Variants in NLRP1 observed in about 807,000 individuals in gnomAD.
NLRP1 encodes the protein NLR family pyrin domain containing 1.
NLRP1 carries 94 observed loss-of-function variants against 136.7 expected under a neutral mutation model. That is an observed-to-expected ratio of 0.69 (90% confidence interval 0.58 to 0.82). The LOEUF is 0.82. Among genes scored for constraint, NLRP1 ranks in the 40% least tolerant of loss-of-function variants. The probability of loss-of-function intolerance (pLI) is 0.00; values close to 1 mark genes in which losing one functional copy is unlikely to be tolerated. For missense variants in NLRP1, 1,575 were observed against 1,802.7 expected (o/e 0.87, Z 2.29); for synonymous variants, 690 against 725.1 (o/e 0.95, Z 0.78).
At chr17:5,550,987 C>G (rs1223483797) in intron 5 of NLRP1, among the ~76,000 whole-genome samples, 1 of 152,116 alleles carries the variant, frequency 6.6e-6, no homozygotes, top group Non-Finnish European at 1.5e-5. Flanking sequence ...CATGCTGTAC[C>G]ACACTAGTAT....
intron 3 of NLRP1, among the ~76,000 whole-genome samples, chr17:5,573,051 G>A (rs1803953645): frequency 6.6e-6 from 1 of 152,166 alleles, no homozygotes; most frequent in South Asian, 2.1e-4. Context: ...AAGGGGTCAG[G>A]GAATTCCCTT....
chr17:5,521,492 C>A (rs757282476), intron 13 of NLRP1, 32 bp downstream of exon 13: 1 of 1,601,210 alleles, frequency 6.2e-7, no homozygotes, highest in South Asian at 1.1e-5. Context: ...GTCAACCCAC[C>A]GTGGCCCAGC....
In NLRP1 at chr17:5,514,954, G is replaced by A. The variant is rs1907889273; in HGVS notation, c.4222C>T (p.Leu1408=). The stretch of plus-strand genomic sequence containing the variant: ...ACCCTCTCGTACTGCTCCTGGCTCA[G>A]CACCTGTCCATGCAGTTTGTCCAAG... ...VVLDKLHGQV[L]SQEQYERVLA... is the part of the protein sequence containing the mutation. Residue 1408 remains leucine (L), a synonymous_variant, in exon 17 of 17, where the codon CTG becomes TTG. Coordinates refer to ENST00000572272, the MANE Select transcript of NLRP1 (RefSeq NM_033004.4). 1 of 1,614,074 alleles carries A rather than the reference G, an allele frequency of 6.2e-7. No individual in the cohort carries two copies. The highest frequency in any genetic ancestry group is 8.5e-7 in the Non-Finnish European group (1 of 1,180,040).
chr17:5,520,855 G>C (rs1908803000), intron 14 of NLRP1, 26 bp downstream of exon 14: 1 of 1,535,732 alleles, frequency 6.5e-7, no homozygotes, highest in African/African-American at 1.4e-5. Context: ...TGTTCGCAGT[G>C]AAGAGGCAGA....
Position 5,515,082 on chromosome 17 carries a change from G to A in NLRP1, c.4103-9C>T, listed in dbSNP as rs757794946. Reference sequence around the variant, plus strand: ...CAGAGGTGAAGGTACGGCTGGCAACGAACAAAGAAGGGCTCCAACCACAGC... The same window carrying A: ...CAGAGGTGAAGGTACGGCTGGCAACAAACAAAGAAGGGCTCCAACCACAGC... On this transcript the variant is annotated splice_polypyrimidine_tract_variant and intron_variant, in intron 16 of 16. Coordinates refer to ENST00000572272, the MANE Select transcript of NLRP1 (RefSeq NM_033004.4). 69 of 1,611,918 alleles carry A rather than the reference G, an allele frequency of 4.3e-5. 3 individuals are homozygous for A. In the Middle Eastern group the frequency reaches 4.8e-3, roughly 112 times the overall value.
chr17:5,532,546 G>C (rs1238464240), intron 11 of NLRP1, among the ~76,000 whole-genome samples: 1 of 152,218 alleles, frequency 6.6e-6, no homozygotes, highest in Non-Finnish European at 1.5e-5. Context: ...TGGCAAAACA[G>C]TGGCTGAAGC....
chr17:5,567,831 T>C (rs1420852751), intron 3 of NLRP1, among the ~76,000 whole-genome samples: 1 of 152,172 alleles, frequency 6.6e-6, no homozygotes, highest in Admixed American at 6.5e-5. Context: ...TCACCAGATA[T>C]ACTATTTAGG....
chr17:5,541,967 G>A lies in NLRP1; in HGVS notation c.2589C>T (p.Ala863=). ...DCKDLAFGLR[A]NQTLTELDLS... ...GGTCCAGCTCGGTCAGGGTCTGGTT[G>A]GCTCTCAGCCCAAAGGCAAGGTCCT... The change falls in exon 6 of 17, where the codon GCC becomes GCT. Residue 863 remains alanine, a synonymous_variant. Transcript: ENST00000572272. This position sits in a 1 kb window ranked among gnomAD's most constrained non-coding sequence, Gnocchi z 4.2. 1 of 1,614,132 alleles carries A rather than the reference G, an allele frequency of 6.2e-7. No homozygotes were observed. Among genetic ancestry groups the A allele is most frequent in the Non-Finnish European group, 8.5e-7 (1 of 1,180,022 alleles).
At chr17:5,536,561 A>C (rs1443135559) in intron 8 of NLRP1, among the ~76,000 whole-genome samples, 1 of 146,686 alleles carries the variant, frequency 6.8e-6, no homozygotes, top group Admixed American at 7.1e-5. Context: ...AGTTATTCTC[A>C]TGCCTCAGCC....
Position 5,558,806 on chromosome 17 carries a change from A to G in NLRP1, c.1890T>C (p.Phe630=). ...SFIHLCFQEF[F]AAMSYVLEDE... is the part of the protein sequence containing the mutation. Reference sequence around the variant, plus strand: ...CCTCCAAGACATAGGACATTGCTGCAAAGAACTCTTGGAAACAGAGGTGAA... The same window carrying G: ...CCTCCAAGACATAGGACATTGCTGCGAAGAACTCTTGGAAACAGAGGTGAA... Residue 630 remains phenylalanine, a synonymous_variant, in exon 4 of 17, where the codon TTT becomes TTC. Coordinates refer to ENST00000572272, the MANE Select transcript of NLRP1 (RefSeq NM_033004.4). 1 of 1,614,208 alleles carries G rather than the reference A, an allele frequency of 6.2e-7. No homozygotes were observed. Among genetic ancestry groups the G allele is most frequent in the South Asian group, 1.1e-5 (1 of 91,086 alleles).
chr17:5,559,811 C>T lies in NLRP1; in HGVS notation c.885G>A (p.Leu295=). 1 of 1,614,250 alleles carries T rather than the reference C, an allele frequency of 6.2e-7. No homozygotes were observed. Among genetic ancestry groups the T allele is most frequent in the Middle Eastern group, 1.7e-4 (1 of 6,060 alleles). Residue 295 remains leucine, a synonymous_variant, in exon 4 of 17, where the codon CTG becomes CTA. Transcript: ENST00000572272. The part of the protein sequence containing the change: ...QRPHPRSQDP[L]VKRSWPDYVE... ...CATAATCAGGCCAGCTTCTCTTGAC[C>T]AGGGGATCTTGGCTTCTGGGGTGAG...
chr17:5,584,235 G>C lies in NLRP1; in HGVS notation c.-278C>G. 1 of 524,876 alleles carries C rather than the reference G, an allele frequency of 1.9e-6. No homozygotes were observed. The highest frequency in any genetic ancestry group is 3.4e-6 in the Non-Finnish European group (1 of 291,176). 32.5% of individuals were successfully genotyped at this position (524,876 alleles called of 1,614,324 possible). A position where few individuals can be genotyped will look rare whatever the true frequency, so the allele number is the denominator to read the frequency against. The stretch of plus-strand genomic sequence containing the variant: ...TGGGATGGGGTCCAGGGCCAGGCAG[G>C]GAGGGTGAGGGTGAGGGGAGATGTG... On this transcript the variant is annotated 5_prime_UTR_variant, in exon 1 of 17. Coordinates refer to ENST00000572272, the MANE Select transcript of NLRP1 (RefSeq NM_033004.4).
chr17:5,565,125 T>C (rs1409893025), intron 3 of NLRP1, among the ~76,000 whole-genome samples: 2 of 152,234 alleles, frequency 1.3e-5, no homozygotes, highest in Admixed American at 1.3e-4. Context: ...GAGAGTTTCC[T>C]TTTCTCCACA....
downstream of NLRP1, chr17:5,512,222 C>A (rs1907686245): frequency 2.1e-6 from 3 of 1,457,652 alleles, no homozygotes; most frequent in Non-Finnish European, 2.9e-6. Context: ...AGTTGGCAAC[C>A]ACTACCATCA....
intron 5 of NLRP1, among the ~76,000 whole-genome samples, chr17:5,545,545 C>T (rs12941322): frequency 6.6e-6 from 1 of 151,536 alleles, no homozygotes; most frequent in African/African-American, 2.4e-5. Context: ...GACACACACA[C>T]AGACACACAC....
intron 5 of NLRP1, among the ~76,000 whole-genome samples, chr17:5,550,675 TTC>T (rs1408634130): frequency 1.3e-5 from 2 of 152,182 alleles, no homozygotes; most frequent in African/African-American, 4.8e-5. Flanking sequence ...TTGTTTTCTA[TTC>T]TCTGTTTCAT....
chr17:5,531,208 C>A (rs923714452), intron 11 of NLRP1, among the ~76,000 whole-genome samples: 46 of 144,354 alleles, frequency 3.2e-4, no homozygotes, highest in Middle Eastern at 3.6e-3. Flanking sequence ...ATCTATCTAT[C>A]TATCTATCTA....
At chr17:5,507,567 C>T (rs376868140) in intron 15 of NLRP1, among the ~76,000 whole-genome samples, 3 of 152,082 alleles carry the variant, frequency 2.0e-5, no homozygotes, top group South Asian at 2.1e-4. Context: ...TTGTGGCTCA[C>T]GCCTGTAATC....
At chr17:5,527,781 C>T (rs555565929) in intron 12 of NLRP1, among the ~76,000 whole-genome samples, 1 of 152,352 alleles carries the variant, frequency 6.6e-6, no homozygotes, top group South Asian at 2.1e-4. Flanking sequence ...ATTTGGCTGT[C>T]AGCCTGGCAG....
Sources: allele counts gnomAD v4.1 joint callset (sites outside exome capture counted in the v4.1 genomes callset), GRCh38; gene constraint gnomAD v4.1.1; non-coding constraint Gnocchi (gnomAD v3.1); transcripts MANE v1.5; gene names NCBI Gene and HGNC (gene_info 2026-07-23, HGNC 2026-07-21).